SPIRE1: variants seen among roughly 807,000 people sequenced by gnomAD.
SPIRE1 encodes spire type actin nucleation factor 1.
A neutral mutation model predicts 94.1 loss-of-function variants in SPIRE1; 40 were observed. The observed-to-expected ratio is 0.43, with a 90% confidence interval of 0.33 to 0.55. SPIRE1 has a LOEUF of 0.55. Ranked by LOEUF, SPIRE1 falls within the 20% of genes least tolerant of loss-of-function variation. The pLI, the probability that SPIRE1 is intolerant of heterozygous loss-of-function variation, is 0.06. For missense variants in SPIRE1, 838 were observed against 975.2 expected (o/e 0.86, Z 1.87); for synonymous variants, 376 against 371.7 (o/e 1.01, Z -0.13).
At chr18:12,584,353 C>G (rs1316967590) in intron 2 of SPIRE1, among the ~76,000 whole-genome samples, 1 of 151,738 alleles carries the variant, frequency 6.6e-6, no homozygotes, top group African/African-American at 2.4e-5. Context: ...TCTCTTGAAC[C>G]TGGGAGGCAG....
chr18:12,485,798 T>C (rs2033015160), intron 9 of SPIRE1, among the ~76,000 whole-genome samples, 161 bp downstream of exon 9: 1 of 152,188 alleles, frequency 6.6e-6, no homozygotes, highest in African/African-American at 2.4e-5. Context: ...TTTACATATA[T>C]TGTTTTCAAA....
intron 4 of SPIRE1, among the ~76,000 whole-genome samples, chr18:12,526,882 G>C (rs1479450167): frequency 3.3e-5 from 5 of 151,870 alleles, no homozygotes. Context: ...GCTAATTTTT[G>C]TATTTTTAGT....
At chr18:12,619,575 G>A (rs959155162) in intron 2 of SPIRE1, among the ~76,000 whole-genome samples, 2 of 151,818 alleles carry the variant, frequency 1.3e-5, no homozygotes, top group East Asian at 1.9e-4. Context: ...CAGGCTAGGC[G>A]CAGTGGCTCA....
At chr18:12,621,826 T>A (rs189989587) in intron 2 of SPIRE1, among the ~76,000 whole-genome samples, 2 of 152,336 alleles carry the variant, frequency 1.3e-5, no homozygotes, top group Admixed American at 1.3e-4. Flanking sequence ...GTAACTTGCA[T>A]GCTTTGTGAA....
At position 12,493,108 on chromosome 18, in the gene SPIRE1, G is replaced by A; in HGVS notation, c.1153C>T (p.Pro385Ser). Residue 385 changes from proline to serine, a missense_variant, in exon 8 of 17, where the codon CCT becomes TCT. Physicochemically the swap from Pro to Ser is moderately conservative, Grantham distance 74 (BLOSUM62 -1). This residue lies in a region of SPIRE1 where 645 missense variants were observed against 804.7 expected (regional missense o/e 0.80). Transcript: ENST00000409402. ...EEIKAERKLR[P>S]VSPEEIRRSR... The stretch of plus-strand genomic sequence containing the variant: ...CGTCTAATCTCCTCTGGTGATACAG[G>A]CCGCAGCTTTCTTTCTGCTTTAATT... The A allele has an allele frequency of 1.2e-6, 2 of 1,613,578 alleles. No homozygotes were observed. Among genetic ancestry groups the A allele is most frequent in the Non-Finnish European group, 8.5e-7 (1 of 1,179,938 alleles).
chr18:12,626,189 T>C (rs2037621422), intron 2 of SPIRE1, among the ~76,000 whole-genome samples: 1 of 152,204 alleles, frequency 6.6e-6, no homozygotes, highest in African/African-American at 2.4e-5. Context: ...GCAAACCCCA[T>C]TTACAGCCTT....
At chr18:12,486,082 T>C in intron 8 of SPIRE1, 82 bp from the exon 9 acceptor site, 1 of 1,053,360 alleles carries the variant, frequency 9.5e-7, no homozygotes, top group Non-Finnish European at 1.4e-6. Context: ...GGGAACGGAT[T>C]AATGAAGACC....
At chr18:12,592,786 G>A (rs985738668) in intron 2 of SPIRE1, among the ~76,000 whole-genome samples, 3 of 152,196 alleles carry the variant, frequency 2.0e-5, no homozygotes, top group Non-Finnish European at 4.4e-5. Context: ...TCACCCCTAG[G>A]TGTGCCATGT....
intron 12 of SPIRE1, among the ~76,000 whole-genome samples, chr18:12,460,080 A>G (rs1223004726): frequency 6.6e-6 from 1 of 152,266 alleles, no homozygotes; most frequent in South Asian, 2.1e-4. Flanking sequence ...CCGTGCGAAC[A>G]TCTGCATCCA....
rs145432706 is a variant in SPIRE1 at position 12,506,195 on chromosome 18, T to C, written c.972+282A>G. On this transcript the variant is annotated intron_variant, in intron 6 of 16. Coordinates refer to ENST00000409402, the MANE Select transcript of SPIRE1 (RefSeq NM_001128626.2). ...TTTTTTGAGATAGGGTCTCACTCTGTCGCTGAGGCTGGAGTGCAGTGGCTC... is the reference window on the plus strand; with the variant it reads ...TTTTTTGAGATAGGGTCTCACTCTGCCGCTGAGGCTGGAGTGCAGTGGCTC... Among the ~76,000 whole-genome samples, 89 of 152,322 alleles carry C rather than the reference T, an allele frequency of 5.8e-4. 2 individuals are homozygous for C. In the East Asian group the frequency reaches 9.1e-3, roughly 15 times the overall value.
intron 2 of SPIRE1, among the ~76,000 whole-genome samples, chr18:12,592,852 A>T (rs951262538): frequency 5.3e-5 from 8 of 152,208 alleles, no homozygotes; most frequent in Non-Finnish European, 1.2e-4. Context: ...CCTAAGCCTA[A>T]TCCAGTCGTT....
At position 12,558,001 on chromosome 18, in the gene SPIRE1, T is replaced by C. The variant is rs115263545; in HGVS notation, c.373-11097A>G. 8.9e-3 allele frequency among the ~76,000 whole-genome samples: 1,362 copies of C among 152,290 alleles called. 30 individuals carry two copies. Among genetic ancestry groups the C allele is most frequent in the African/African-American group, 0.03 (1,256 of 41,554 alleles). ...AGAGGAATGAAACTAGACCCCTATC[T>C]ATCGCTATGTACAAAAATAAAATCA... On this transcript the variant is annotated intron_variant, in intron 2 of 16. Coordinates refer to ENST00000409402, the MANE Select transcript of SPIRE1 (RefSeq NM_001128626.2).
At chr18:12,477,521 T>C (rs1332375741) in intron 10 of SPIRE1, among the ~76,000 whole-genome samples, 1 of 152,188 alleles carries the variant, frequency 6.6e-6, no homozygotes, top group African/African-American at 2.4e-5. Flanking sequence ...TACTGAGTGT[T>C]AGAAACTGGT....
At position 12,574,927 on chromosome 18, in the gene SPIRE1, T is replaced by G. The variant is rs144939404; in HGVS notation, c.373-28023A>C. On this transcript the variant is annotated intron_variant, in intron 2 of 16. Transcript: ENST00000409402. ...AATGTGGATAAGAAGTAAGAGGAAC[T>G]CTAGCACACGTCCACTGGATTCAGT... 2.6e-5 allele frequency among the ~76,000 whole-genome samples: 4 copies of G among 152,300 alleles called. No individual in the cohort carries two copies. The East Asian group carries it at 7.7e-4, about 29-fold the overall frequency.
chr18:12,491,000 G>A lies in SPIRE1; in HGVS notation c.1189+2072C>T, dbSNP rs1040218980. On this transcript the variant is annotated intron_variant, in intron 8 of 16. Transcript: ENST00000409402. The stretch of plus-strand genomic sequence containing the variant: ...AGTAATAAAAGTGTCCCTGTTTGCA[G>A]ATGACATGATCTTACAGATAGAAAA... Among the ~76,000 whole-genome samples the A allele has an allele frequency of 3.3e-5, 5 of 152,102 alleles. No individual in the cohort carries two copies. The East Asian group carries it at 7.7e-4, about 23-fold the overall frequency.
intron 1 of SPIRE1, among the ~76,000 whole-genome samples, chr18:12,651,318 T>A (rs1392044509): frequency 6.6e-6 from 1 of 152,194 alleles, no homozygotes; most frequent in East Asian, 1.9e-4. Context: ...CATATATTCC[T>A]TTCCTTTAAT....
At chr18:12,589,577 C>T (rs1437264616) in intron 2 of SPIRE1, among the ~76,000 whole-genome samples, 2 of 152,114 alleles carry the variant, frequency 1.3e-5, no homozygotes, top group East Asian at 3.8e-4. Flanking sequence ...GTAAAAGGTG[C>T]TCTTAGGTAG....
At position 12,512,463 on chromosome 18, in the gene SPIRE1, G is replaced by A. The variant is rs765878117; in HGVS notation, c.798C>T (p.Asn266=). 1.8e-5 allele frequency: 29 copies of A among 1,609,862 alleles called. No individual in the cohort carries two copies. The highest frequency in any genetic ancestry group is 2.2e-5 in the Non-Finnish European group (26 of 1,176,890). ...CATTTCCAGCTCTTACCCAGTCAGCGTTTTTCAGCTCTTCCAAGTCTGTGC... is the reference window on the plus strand; with the variant it reads ...CATTTCCAGCTCTTACCCAGTCAGCATTTTTCAGCTCTTCCAAGTCTGTGC... The part of the protein sequence containing the change: ...ESSTDLEELK[N]ADWARFWVQV... Residue 266 remains asparagine, a synonymous_variant, in exon 5 of 17, where the codon AAC becomes AAT. Transcript: ENST00000409402.
chr18:12,457,836 TTTC>T (rs1225602719), intron 12 of SPIRE1, among the ~76,000 whole-genome samples: 1 of 145,860 alleles, frequency 6.9e-6, no homozygotes, highest in African/African-American at 2.5e-5. Context: ...TCACCTTTCT[TTTC>T]TTTTTTCTTT....
Sources: allele counts gnomAD v4.1 joint callset (sites outside exome capture counted in the v4.1 genomes callset), GRCh38; gene constraint gnomAD v4.1.1; regional missense constraint gnomAD v4.1.1; transcripts MANE v1.5; gene names NCBI Gene and HGNC (gene_info 2026-07-23, HGNC 2026-07-21).